Variants in CATSPERT observed in about 807,000 individuals in gnomAD.
CATSPERT encodes catsper channel auxiliary subunit tau, also known as cation channel sperm-associated targeting subunit tau.
chr2:201,499,205 C>T, the CATSPERT span, among the ~76,000 whole-genome samples: 3 of 152,102 alleles, frequency 2.0e-5, no homozygotes, highest in Admixed American at 1.3e-4. Context: ...ACAAATGGAA[C>T]TAACTCCAGC....
At chr2:201,552,299 G>A in the CATSPERT span, among the ~76,000 whole-genome samples, 69 of 152,208 alleles carry the variant, frequency 4.5e-4, 1 homozygote, top group African/African-American at 1.4e-3. Context: ...ATTGAGCTTC[G>A]CAGTGTAAAC....
the CATSPERT span, among the ~76,000 whole-genome samples, chr2:201,527,054 C>G: frequency 1.3e-5 from 2 of 152,266 alleles, no homozygotes; most frequent in East Asian, 3.9e-4. Flanking sequence ...TAAACAACGT[C>G]GGCAGTTTCA....
the CATSPERT span, among the ~76,000 whole-genome samples, chr2:201,581,546 GTGTATATATA>G: frequency 3.8e-3 from 56 of 14,716 alleles, 4 homozygotes; most frequent in East Asian, 0.013. Context: ...AAAAAAATGT[GTGTATATATA>G]TATATATATA....
At chr2:201,577,342 G>A in the CATSPERT span, among the ~76,000 whole-genome samples, 2 of 151,928 alleles carry the variant, frequency 1.3e-5, no homozygotes. Context: ...AAATACTATG[G>A]GTGTTCCTCA....
chr2:201,619,102 G>A, the CATSPERT span: 31 of 1,614,180 alleles, frequency 1.9e-5, no homozygotes, highest in Non-Finnish European at 2.5e-5. Flanking sequence ...TGTGCTGAAA[G>A]GCCTATTTGT....
chr2:201,537,946 T>A, the CATSPERT span, among the ~76,000 whole-genome samples: 1 of 152,018 alleles, frequency 6.6e-6, no homozygotes, highest in Non-Finnish European at 1.5e-5. Context: ...AATAAATAAC[T>A]GAAGCAGAAT....
At chr2:201,521,031 C>T in the CATSPERT span, among the ~76,000 whole-genome samples, 1 of 151,618 alleles carries the variant, frequency 6.6e-6, no homozygotes, top group African/African-American at 2.4e-5. Context: ...AAACATACAA[C>T]CTACCAAGAT....
the CATSPERT span, among the ~76,000 whole-genome samples, chr2:201,615,667 G>A: frequency 1.9e-3 from 290 of 152,150 alleles, 1 homozygote; most frequent in African/African-American, 6.5e-3. Context: ...AAGAGCAAAT[G>A]CTTTCAAAAG....
At chr2:201,527,717 T>G in the CATSPERT span, among the ~76,000 whole-genome samples, 1 of 152,058 alleles carries the variant, frequency 6.6e-6, no homozygotes, top group Non-Finnish European at 1.5e-5. Context: ...TGCAGAAGAT[T>G]AAAACAGACC....
the CATSPERT span, among the ~76,000 whole-genome samples, chr2:201,612,782 G>A: frequency 6.6e-6 from 1 of 152,196 alleles, no homozygotes; most frequent in East Asian, 1.9e-4. Context: ...ACAGAGGGTT[G>A]GGGAATTCCC....
At chr2:201,581,629 A>G in the CATSPERT span, among the ~76,000 whole-genome samples, 1 of 131,968 alleles carries the variant, frequency 7.6e-6, no homozygotes, top group Non-Finnish European at 1.6e-5. Flanking sequence ...TTTTTTCCAG[A>G]CGGAGTATTG....
At chr2:201,601,814 C>A in the CATSPERT span, 5 of 1,611,244 alleles carry the variant, frequency 3.1e-6, no homozygotes, top group Non-Finnish European at 3.4e-6. Flanking sequence ...GCAAGCTACA[C>A]ATTTTTGTAC....
chr2:201,508,551 G>T, the CATSPERT span, among the ~76,000 whole-genome samples: 6 of 152,232 alleles, frequency 3.9e-5, no homozygotes, highest in Non-Finnish European at 7.4e-5. Flanking sequence ...TCACATTGTT[G>T]TGCAACAGAT....
At chr2:201,550,145 T>A in the CATSPERT span, 1 of 152,158 alleles carries the variant, frequency 6.6e-6, no homozygotes, top group African/African-American at 2.4e-5. Flanking sequence ...AAAAACAGAT[T>A]AAATTCCAGG....
At chr2:201,487,782 G>A in the CATSPERT span, 5 of 1,614,004 alleles carry the variant, frequency 3.1e-6, no homozygotes, top group African/African-American at 4.0e-5. Flanking sequence ...CTTGCAGAGT[G>A]TCTGGCATGG....
the CATSPERT span, among the ~76,000 whole-genome samples, chr2:201,601,398 G>T: frequency 6.6e-5 from 10 of 151,492 alleles, no homozygotes. Flanking sequence ...GAAAAGGAAT[G>T]GGAAAGGAGA....
At chr2:201,502,031 T>C in the CATSPERT span, among the ~76,000 whole-genome samples, 1 of 152,180 alleles carries the variant, frequency 6.6e-6, no homozygotes, top group Non-Finnish European at 1.5e-5. Context: ...TCCAGCCAGC[T>C]TAGAACGGAC....
the CATSPERT span, among the ~76,000 whole-genome samples, chr2:201,541,124 G>A: frequency 6.6e-6 from 1 of 152,156 alleles, no homozygotes; most frequent in Non-Finnish European, 1.5e-5. Context: ...AAATTTGAAT[G>A]GATGAGGAAT....
At chr2:201,576,580 T>C in the CATSPERT span, among the ~76,000 whole-genome samples, 1 of 152,224 alleles carries the variant, frequency 6.6e-6, no homozygotes, top group Non-Finnish European at 1.5e-5. Context: ...GTTACTTTGT[T>C]GTGGAATGTA....
Sources: allele counts gnomAD v4.1 joint callset (sites outside exome capture counted in the v4.1 genomes callset), GRCh38; gene constraint gnomAD v4.1.1; transcripts MANE v1.5; gene names NCBI Gene and HGNC (gene_info 2026-07-23, HGNC 2026-07-21).